The following TLL1 variants were observed in gnomAD, a reference collection of about 807,000 sequenced individuals.
TLL1 encodes tolloid-like protein 1.
A neutral mutation model predicts 128.2 loss-of-function variants in TLL1; 49 were observed. The ratio of observed to expected loss-of-function variants is 0.38; its 90% confidence interval spans 0.30 to 0.48. The LOEUF is 0.48. Among genes scored for constraint, TLL1 ranks in the 20% least tolerant of loss-of-function variants. The probability of loss-of-function intolerance (pLI) is 0.96; values close to 1 mark genes in which losing one functional copy is unlikely to be tolerated. For missense variants in TLL1, 1,123 were observed against 1,242.0 expected, an observed-to-expected ratio of 0.90 and a Z score of 1.44; for synonymous variants, 454 against 418.8, an observed-to-expected ratio of 1.08 and a Z score of -1.03.
chr4:165,895,166 A>G (rs1367846968), intron 1 of TLL1, among the ~76,000 whole-genome samples: 1 of 152,122 alleles, frequency 6.6e-6, no homozygotes, highest in Non-Finnish European at 1.5e-5. Context: ...GCAGTAAGCC[A>G]AGAATAAGAA....
intron 8 of TLL1, among the ~76,000 whole-genome samples, chr4:166,016,481 C>G (rs532462908): frequency 1.3e-5 from 2 of 151,896 alleles, no homozygotes; most frequent in Admixed American, 6.6e-5. Flanking sequence ...AAAAAACTAA[C>G]CTTATGATAT....
intron 1 of TLL1, among the ~76,000 whole-genome samples, chr4:165,876,982 G>C (rs1371012432): frequency 6.6e-6 from 1 of 152,158 alleles, no homozygotes; most frequent in African/African-American, 2.4e-5. Context: ...CTACTGTTAG[G>C]AATTTAATAT....
At chr4:165,940,040 C>A (rs1017553826) in intron 1 of TLL1, among the ~76,000 whole-genome samples, 2 of 151,962 alleles carry the variant, frequency 1.3e-5, no homozygotes, top group Non-Finnish European at 2.9e-5. Flanking sequence ...TACATGGATA[C>A]AATTCAGATT....
At chr4:165,942,672 A>G (rs542452920) in intron 1 of TLL1, among the ~76,000 whole-genome samples, 13 of 150,922 alleles carry the variant, frequency 8.6e-5, no homozygotes, top group African/African-American at 3.1e-4. Context: ...CAAATTATTT[A>G]TTTTTAGCTT....
At chr4:166,022,618 G>A (rs941994101) in intron 8 of TLL1, among the ~76,000 whole-genome samples, 3 of 152,144 alleles carry the variant, frequency 2.0e-5, no homozygotes, top group East Asian at 1.9e-4. Context: ...GATATGATGG[G>A]AGCTATAGAC....
chr4:166,058,249 T>C (rs1740123491), intron 14 of TLL1, among the ~76,000 whole-genome samples: 1 of 152,092 alleles, frequency 6.6e-6, no homozygotes, highest in African/African-American at 2.4e-5. Context: ...CATCTATATA[T>C]CTATTCATCC....
At chr4:166,003,235 A>G (rs990113521) in intron 5 of TLL1, among the ~76,000 whole-genome samples, 156 bp from the exon 6 acceptor site, 1 of 152,182 alleles carries the variant, frequency 6.6e-6, no homozygotes. Context: ...TTGAAAGGAT[A>G]CCAGAAACTA....
intron 1 of TLL1, among the ~76,000 whole-genome samples, chr4:165,971,777 CT>C (rs1735638711): frequency 1.3e-5 from 2 of 152,124 alleles, no homozygotes; most frequent in South Asian, 4.1e-4. Flanking sequence ...AGGATGTTGC[CT>C]CTTCCTCTCA....
intron 1 of TLL1, among the ~76,000 whole-genome samples, chr4:165,921,915 A>T (rs1462023216): frequency 6.6e-6 from 1 of 152,046 alleles, no homozygotes; most frequent in African/African-American, 2.4e-5. Context: ...TAATGCATAC[A>T]AAGGAAAGTA....
chr4:165,921,394 G>T (rs2110889013), intron 1 of TLL1, among the ~76,000 whole-genome samples: 1 of 152,210 alleles, frequency 6.6e-6, no homozygotes, highest in South Asian at 2.1e-4. Context: ...ACATCAAAAT[G>T]CAAAATAGCT....
chr4:166,096,006 T>C (rs1038959536), intron 19 of TLL1, among the ~76,000 whole-genome samples: 3 of 152,288 alleles, frequency 2.0e-5, no homozygotes, highest in African/African-American at 4.8e-5. Flanking sequence ...TGACCATTGC[T>C]TGAGTGGCCG....
intron 1 of TLL1, among the ~76,000 whole-genome samples, chr4:165,882,187 C>A (rs1730994404): frequency 6.6e-6 from 1 of 152,174 alleles, no homozygotes; most frequent in Non-Finnish European, 1.5e-5. Context: ...ATCAAATAAA[C>A]TGCTTGGAAC....
chr4:165,918,306 C>A (rs1442751757), intron 1 of TLL1, among the ~76,000 whole-genome samples: 2 of 152,130 alleles, frequency 1.3e-5, no homozygotes, highest in African/African-American at 4.8e-5. Flanking sequence ...TGGAGGCACA[C>A]AGTCATAGAA....
chr4:165,992,324 A>G (rs897155430), intron 2 of TLL1, among the ~76,000 whole-genome samples: 4 of 152,098 alleles, frequency 2.6e-5, no homozygotes, highest in Non-Finnish European at 4.4e-5. Context: ...TGCTTTAAAA[A>G]GTTTTTGAAA....
chr4:165,965,572 T>G (rs1041512927), intron 1 of TLL1, among the ~76,000 whole-genome samples: 2 of 152,178 alleles, frequency 1.3e-5, no homozygotes, highest in Non-Finnish European at 2.9e-5. Context: ...AGAAAAGGAC[T>G]GAGAAAAGGT....
chr4:166,101,944 A>AG lies in TLL1; in HGVS notation c.*1069dup, dbSNP rs1327844707. The AG allele has an allele frequency of 1.9e-3, 285 of 152,548 alleles. 1 individual carries two copies. The highest frequency in any genetic ancestry group is 6.6e-3 in the African/African-American group (275 of 41,546). 9.4% of individuals were successfully genotyped at this position (152,548 alleles called of 1,614,324 possible). A position where few individuals can be genotyped will look rare whatever the true frequency, so the allele number is the denominator to read the frequency against. On this transcript the variant is annotated 3_prime_UTR_variant, in exon 21 of 21. Coordinates refer to ENST00000061240, the MANE Select transcript of TLL1 (RefSeq NM_012464.5). ...TTCAAAACACAATGCTGGAAAAAAA[A>AG]GATTTGTTTCTGAAAGACTTCTTAT...
chr4:165,960,950 A>C (rs143537609), intron 1 of TLL1, among the ~76,000 whole-genome samples: 1 of 152,234 alleles, frequency 6.6e-6, no homozygotes, highest in African/African-American at 2.4e-5. Context: ...CTACTTGAAC[A>C]TGGTACTGGA....
rs1730587274 is a variant in TLL1, at chr4:165,873,586, G to T, written c.-319G>T. 1 of 211,618 alleles carries T rather than the reference G, an allele frequency of 4.7e-6. No individual in the cohort carries two copies. The highest frequency in any genetic ancestry group is 9.3e-6 in the Non-Finnish European group (1 of 107,012). 13.1% of individuals were successfully genotyped at this position (211,618 alleles called of 1,614,324 possible). A position where few individuals can be genotyped will look rare whatever the true frequency, so the allele number is the denominator to read the frequency against. On this transcript the variant is annotated 5_prime_UTR_variant, in exon 1 of 21. It adds an upstream start codon to the 5' untranslated region. Transcript: ENST00000061240. ...CGGCAGCCAGAAGGACGACCTGGCAGGCTGCGAGCGCCAGCGCCGCCAGAG... is the reference window on the plus strand; with the variant it reads ...CGGCAGCCAGAAGGACGACCTGGCATGCTGCGAGCGCCAGCGCCGCCAGAG...
chr4:166,098,510 G>A (rs1742133645), intron 19 of TLL1, among the ~76,000 whole-genome samples: 1 of 151,992 alleles, frequency 6.6e-6, no homozygotes, highest in African/African-American at 2.4e-5. Flanking sequence ...AACTGGTATA[G>A]CCTATGCTTA....
Sources: allele counts gnomAD v4.1 joint callset (sites outside exome capture counted in the v4.1 genomes callset), GRCh38; gene constraint gnomAD v4.1.1; transcripts MANE v1.5; gene names NCBI Gene and HGNC (gene_info 2026-07-23, HGNC 2026-07-21).